PTPRT: variants seen among roughly 807,000 people sequenced by gnomAD.
The protein encoded by PTPRT is protein tyrosine phosphatase receptor type T.
Under a neutral mutation model 176.8 loss-of-function variants are expected in PTPRT, and 56 were observed. The ratio of observed to expected loss-of-function variants is 0.32; its 90% CI spans 0.26 to 0.40. The LOEUF is 0.40. PTPRT is among the 10% of genes least tolerant of loss of function. The pLI, the probability that PTPRT is intolerant of heterozygous loss-of-function variation, is 1.00. For synonymous variants in PTPRT, 783 were observed against 739.0 expected, an observed-to-expected ratio of 1.06 and a Z score of -0.96; for missense variants, 1,540 against 1,908.2, an observed-to-expected ratio of 0.81 and a Z score of 3.60.
At chr20:42,170,384 C>T (rs10084484) in intron 16 of PTPRT, among the ~76,000 whole-genome samples, 3,119 of 151,920 alleles carry the variant, frequency 0.021, 103 homozygotes, top group African/African-American at 0.07. Context: ...TTATTGAAAA[C>T]GAAATGCGAG....
At chr20:42,354,189 C>T (rs960253278) in intron 9 of PTPRT, among the ~76,000 whole-genome samples, 5 of 152,198 alleles carry the variant, frequency 3.3e-5, no homozygotes, top group African/African-American at 1.2e-4. Flanking sequence ...GTTTTCCTCA[C>T]ACTCCCTTGC....
Position 42,805,000 on chromosome 20 carries a change from A to G in PTPRT, c.215-13534T>C, listed in dbSNP as rs143146058. Among the ~76,000 whole-genome samples, 96 of 152,322 alleles carry G rather than the reference A, an allele frequency of 6.3e-4. 2 individuals are homozygous for G. Among genetic ancestry groups the G allele is most frequent in the African/African-American group, 2.0e-3 (83 of 41,576 alleles). Reference sequence around the variant, plus strand: ...ATCAACATATGAATTTGGTGGGAACAGAATTTAACTCCTAATAAGCTTTCT... The same window carrying G: ...ATCAACATATGAATTTGGTGGGAACGGAATTTAACTCCTAATAAGCTTTCT... On this transcript the variant is annotated intron_variant, in intron 2 of 30. Coordinates refer to ENST00000373187, the MANE Select transcript of PTPRT (RefSeq NM_007050.6).
intron 7 of PTPRT, among the ~76,000 whole-genome samples, chr20:42,477,845 C>T (rs1234181501): frequency 1.3e-5 from 2 of 152,214 alleles, no homozygotes; most frequent in African/African-American, 4.8e-5. Flanking sequence ...CTTCTGTATG[C>T]TCTTAGGCTA....
intron 1 of PTPRT, among the ~76,000 whole-genome samples, chr20:42,957,212 C>T (rs1308826584): frequency 2.0e-5 from 3 of 152,086 alleles, no homozygotes; most frequent in Non-Finnish European, 4.4e-5. Context: ...ATCAATAAAA[C>T]AGAACAATGA....
At chr20:42,190,241 G>A (rs1331057797) in intron 16 of PTPRT, among the ~76,000 whole-genome samples, 1 of 152,144 alleles carries the variant, frequency 6.6e-6, no homozygotes, top group African/African-American at 2.4e-5. Context: ...GCTCTGTTGA[G>A]CTCTCGATTT....
chr20:42,842,844 G>A (rs1483884221), intron 2 of PTPRT, among the ~76,000 whole-genome samples: 1 of 152,210 alleles, frequency 6.6e-6, no homozygotes, highest in Non-Finnish European at 1.5e-5. Flanking sequence ...GTAGCAGCAG[G>A]AACAGAGGGG....
intron 12 of PTPRT, among the ~76,000 whole-genome samples, chr20:42,312,232 A>G (rs922835818): frequency 6.6e-6 from 1 of 152,172 alleles, no homozygotes; most frequent in Non-Finnish European, 1.5e-5. Flanking sequence ...TGAATGATTT[A>G]TTAGAAGCAG....
At chr20:42,571,205 T>C (rs1395253724) in intron 7 of PTPRT, among the ~76,000 whole-genome samples, 2 of 152,240 alleles carry the variant, frequency 1.3e-5, no homozygotes, top group African/African-American at 4.8e-5. Flanking sequence ...ACAAATAAGA[T>C]GACAGGGAAA....
At chr20:42,877,715 T>G (rs2145842316) in intron 2 of PTPRT, among the ~76,000 whole-genome samples, 1 of 152,300 alleles carries the variant, frequency 6.6e-6, no homozygotes, top group East Asian at 1.9e-4. Flanking sequence ...GCTAGCTCTG[T>G]TTATGGCCCG....
chr20:42,917,387 A>T (rs1038266048), intron 1 of PTPRT, among the ~76,000 whole-genome samples: 2 of 152,164 alleles, frequency 1.3e-5, no homozygotes, highest in African/African-American at 4.8e-5. Flanking sequence ...GTTTGAAGTC[A>T]GGTAGCGCGA....
chr20:43,182,361 T>C (rs2015278606), intron 1 of PTPRT, among the ~76,000 whole-genome samples: 2 of 151,610 alleles, frequency 1.3e-5, no homozygotes, highest in Non-Finnish European at 2.9e-5. Flanking sequence ...TCCACGACGC[T>C]AAGAAAGTTA....
chr20:42,643,997 TGAA>T (rs1189270175), intron 7 of PTPRT, among the ~76,000 whole-genome samples: 1 of 152,098 alleles, frequency 6.6e-6, no homozygotes, highest in Non-Finnish European at 1.5e-5. Context: ...ATCCACAGAT[TGAA>T]GGAGTGAAGT....
At chr20:42,874,515 C>T (rs2078898526) in intron 2 of PTPRT, among the ~76,000 whole-genome samples, 1 of 152,192 alleles carries the variant, frequency 6.6e-6, no homozygotes, top group African/African-American at 2.4e-5. Flanking sequence ...CAAAAGTCCA[C>T]TTATGGTATC....
intron 9 of PTPRT, among the ~76,000 whole-genome samples, chr20:42,424,605 C>CTG (rs1250999846): frequency 6.6e-6 from 1 of 152,072 alleles, no homozygotes; most frequent in African/African-American, 2.4e-5. Context: ...GTACAATTAG[C>CTG]TGGTGTAATT....
At chr20:43,069,542 T>G (rs2011153227) in intron 1 of PTPRT, among the ~76,000 whole-genome samples, 2 of 152,216 alleles carry the variant, frequency 1.3e-5, no homozygotes, top group African/African-American at 4.8e-5. Flanking sequence ...TCATCCCTGA[T>G]CTATCCTTTA....
intron 1 of PTPRT, among the ~76,000 whole-genome samples, chr20:42,948,767 A>G (rs933638623): frequency 6.6e-6 from 1 of 152,180 alleles, no homozygotes; most frequent in African/African-American, 2.4e-5. Context: ...CTTTTTGCTT[A>G]TGCCATTTTG....
intron 12 of PTPRT, among the ~76,000 whole-genome samples, chr20:42,305,286 G>GAT (rs397937968): frequency 6.6e-6 from 1 of 151,262 alleles, no homozygotes; most frequent in East Asian, 1.9e-4. Flanking sequence ...CTGGGAGGCA[G>GAT]GTTGTAGTGA....
At chr20:42,188,987 G>A (rs1036903292) in intron 16 of PTPRT, among the ~76,000 whole-genome samples, 2 of 152,132 alleles carry the variant, frequency 1.3e-5, no homozygotes, top group Non-Finnish European at 2.9e-5. Flanking sequence ...TATGAAGCTG[G>A]GTTCCAAAAT....
intron 9 of PTPRT, among the ~76,000 whole-genome samples, chr20:42,402,915 A>G (rs2058923428): frequency 6.6e-6 from 1 of 152,160 alleles, no homozygotes; most frequent in Admixed American, 6.6e-5. Flanking sequence ...AAGGACCACT[A>G]TAACATCTGA....
Sources: gnomAD v4.1 joint callset for allele counts (sites outside exome capture counted in the v4.1 genomes callset) on GRCh38, gnomAD v4.1.1 for gene constraint, MANE v1.5 for transcripts, NCBI Gene and HGNC (gene_info 2026-07-23, HGNC 2026-07-21) for gene names.